The following FBXL7 variants were observed in gnomAD, a reference collection of about 807,000 sequenced individuals.
The protein encoded by FBXL7 is F-box and leucine rich repeat protein 7, also known as F-box/LRR-repeat protein 7.
FBXL7 carries 12 observed loss-of-function variants against 38.3 expected under a neutral mutation model. The ratio of observed to expected loss-of-function variants is 0.31; its 90% CI spans 0.20 to 0.51. FBXL7 has a LOEUF of 0.51. Ranked by LOEUF, FBXL7 falls within the 20% of genes least tolerant of loss-of-function variation. The pLI is 0.98. For synonymous variants in FBXL7, 297 were observed against 300.9 expected, an observed-to-expected ratio of 0.99 and a Z score of 0.13; for missense variants, 567 against 676.4, an observed-to-expected ratio of 0.84 and a Z score of 1.79.
chr5:15,720,623 TACTC>T (rs1447462567), intron 2 of FBXL7, among the ~76,000 whole-genome samples: 1 of 148,376 alleles, frequency 6.7e-6, no homozygotes, highest in African/African-American at 2.5e-5. Context: ...ACTTGAGCAA[TACTC>T]ACCATCTGAA....
chr5:15,785,183 G>A (rs776547702), intron 2 of FBXL7, among the ~76,000 whole-genome samples: 6 of 152,190 alleles, frequency 3.9e-5, no homozygotes, highest in Non-Finnish European at 8.8e-5. Flanking sequence ...ATTGCCACAT[G>A]TATACATACA....
At chr5:15,836,894 G>T (rs927664928) in intron 2 of FBXL7, among the ~76,000 whole-genome samples, 2 of 152,176 alleles carry the variant, frequency 1.3e-5, no homozygotes, top group African/African-American at 4.8e-5. Flanking sequence ...CATCAGCTGT[G>T]TCGTCACCCT....
chr5:15,758,255 G>A (rs1418244749), intron 2 of FBXL7, among the ~76,000 whole-genome samples: 5 of 150,892 alleles, frequency 3.3e-5, no homozygotes, highest in Non-Finnish European at 5.9e-5. Context: ...ACTTTAAGGA[G>A]ATATGATTTA....
intron 2 of FBXL7, among the ~76,000 whole-genome samples, chr5:15,835,035 A>G (rs1738558402): frequency 6.6e-6 from 1 of 152,208 alleles, no homozygotes; most frequent in Admixed American, 6.5e-5. Context: ...ACAGTTTCAT[A>G]TTTTAATGGT....
At chr5:15,690,680 A>C (rs183653217) in intron 2 of FBXL7, among the ~76,000 whole-genome samples, 296 of 152,318 alleles carry the variant, frequency 1.9e-3, no homozygotes, top group African/African-American at 6.7e-3. Context: ...TAAGTGAAAT[A>C]AGCCAAACAG....
intron 1 of FBXL7, among the ~76,000 whole-genome samples, chr5:15,591,706 CTTA>C (rs1419567459): frequency 1.3e-5 from 2 of 151,790 alleles, no homozygotes; most frequent in African/African-American, 2.4e-5. Context: ...AGGTTGGCCT[CTTA>C]TTATTTATTT....
intron 2 of FBXL7, among the ~76,000 whole-genome samples, chr5:15,862,320 C>T (rs951204114): frequency 6.6e-6 from 1 of 152,174 alleles, no homozygotes; most frequent in African/African-American, 2.4e-5. Context: ...TGCCTTTCAC[C>T]TTCCACCATG....
At chr5:15,590,768 C>T (rs1739449689) in intron 1 of FBXL7, among the ~76,000 whole-genome samples, 1 of 152,086 alleles carries the variant, frequency 6.6e-6, no homozygotes, top group Non-Finnish European at 1.5e-5. Flanking sequence ...GCGTTGAGAG[C>T]AGAGATGATG....
chr5:15,640,667 G>A (rs1741335785), intron 2 of FBXL7, among the ~76,000 whole-genome samples: 1 of 152,122 alleles, frequency 6.6e-6, no homozygotes, highest in Admixed American at 6.5e-5. Context: ...GGGATTACAG[G>A]TGCGTGCCAC....
chr5:15,571,649 C>A (rs1738785972), intron 1 of FBXL7, among the ~76,000 whole-genome samples: 1 of 152,044 alleles, frequency 6.6e-6, no homozygotes, highest in African/African-American at 2.4e-5. Context: ...AAGCAGATGA[C>A]ATTTCGACAG....
At chr5:15,772,590 T>C (rs1736755747) in intron 2 of FBXL7, among the ~76,000 whole-genome samples, 3 of 152,172 alleles carry the variant, frequency 2.0e-5, no homozygotes, top group African/African-American at 7.2e-5. Context: ...GCTAGTTACT[T>C]AGATCTCTAA....
chr5:15,804,973 T>C, intron 2 of FBXL7, among the ~76,000 whole-genome samples: 1 of 150,728 alleles, frequency 6.6e-6, no homozygotes, highest in East Asian at 2.0e-4. Flanking sequence ...AGGGCCAAGA[T>C]CAAGATGTCA....
chr5:15,547,489 C>G (rs945212355), intron 1 of FBXL7, among the ~76,000 whole-genome samples: 7 of 152,140 alleles, frequency 4.6e-5, no homozygotes, highest in African/African-American at 1.7e-4. Context: ...CAGGACACCC[C>G]CACACACAAG....
chr5:15,557,547 G>C (rs569503788), intron 1 of FBXL7, among the ~76,000 whole-genome samples: 2 of 152,298 alleles, frequency 1.3e-5, no homozygotes, highest in Non-Finnish European at 2.9e-5. Flanking sequence ...CCATTACACT[G>C]TTTCATAAAA....
At chr5:15,543,448 T>G in intron 1 of FBXL7, among the ~76,000 whole-genome samples, 1 of 152,126 alleles carries the variant, frequency 6.6e-6, no homozygotes, top group Non-Finnish European at 1.5e-5. Context: ...TTGGGTGAGA[T>G]TTTGGCCAGG....
intron 2 of FBXL7, among the ~76,000 whole-genome samples, chr5:15,827,660 A>C (rs1738352233): frequency 6.6e-6 from 1 of 152,176 alleles, no homozygotes; most frequent in Admixed American, 6.5e-5. Flanking sequence ...ACATTAATCC[A>C]TTCTGGAGGA....
intron 2 of FBXL7, among the ~76,000 whole-genome samples, chr5:15,672,410 C>G (rs1742508534): frequency 6.6e-6 from 1 of 152,082 alleles, no homozygotes; most frequent in Non-Finnish European, 1.5e-5. Flanking sequence ...TCTTTTTCCT[C>G]CTATTTAAAG....
At chr5:15,778,289 G>T (rs917014089) in intron 2 of FBXL7, among the ~76,000 whole-genome samples, 10 of 151,890 alleles carry the variant, frequency 6.6e-5, no homozygotes, top group Non-Finnish European at 1.3e-4. Context: ...CCTATCTAAA[G>T]ATATGACTCC....
chr5:15,541,483 A>AG (rs1737752453), intron 1 of FBXL7, among the ~76,000 whole-genome samples: 1 of 128,484 alleles, frequency 7.8e-6, no homozygotes, highest in Non-Finnish European at 1.7e-5. Context: ...ATATATATAA[A>AG]GGTATAGCCA....
Sources: allele counts gnomAD v4.1 joint callset (sites outside exome capture counted in the v4.1 genomes callset), GRCh38; gene constraint gnomAD v4.1.1; transcripts MANE v1.5; gene names NCBI Gene and HGNC (gene_info 2026-07-23, HGNC 2026-07-21).